Variants in CDCA7 observed in about 807,000 individuals in gnomAD.
CDCA7 encodes cell division cycle-associated protein 7.
A neutral mutation model predicts 54.0 loss-of-function variants in CDCA7; 28 were observed. That is an observed-to-expected ratio of 0.52 (90% CI 0.38 to 0.71). The LOEUF (loss-of-function observed/expected upper bound fraction) is 0.71. Ranked by LOEUF, CDCA7 falls within the 30% of genes least tolerant of loss-of-function variation. The pLI is 0.00. For missense variants in CDCA7, 484 were observed against 586.0 expected (o/e 0.83, Z 1.80); for synonymous variants, 180 against 208.2 (o/e 0.86, Z 1.16).
chr2:173,363,276 C>T lies in CDCA7; in HGVS notation c.435C>T (p.His145=). The T allele has an allele frequency of 6.2e-7, 1 of 1,614,148 alleles. No homozygotes were observed. Among genetic ancestry groups the T allele is most frequent in the Non-Finnish European group, 8.5e-7 (1 of 1,180,034 alleles). Residue 145 remains histidine, a synonymous_variant, in exon 4 of 10, where the codon CAC becomes CAT. Coordinates refer to ENST00000306721, the MANE Select transcript of CDCA7 (RefSeq NM_031942.5). The part of the protein sequence containing the change: ...EGCRTRSQCR[H]SGPLRVAMKF... ...GTAGGACCCGCAGCCAGTGCAGGCACTCTGGACCTCTCAGGGTGGCGATGA... is the reference window on the plus strand; with the variant it reads ...GTAGGACCCGCAGCCAGTGCAGGCATTCTGGACCTCTCAGGGTGGCGATGA...
chr2:173,355,040 C>T, intron 1 of CDCA7, 56 bp downstream of exon 1: 1 of 1,296,230 alleles, frequency 7.7e-7, no homozygotes, highest in South Asian at 2.4e-5. Flanking sequence ...TGGACGCAGG[C>T]GGGCGCGGGC....
chr2:173,359,184 A>C, intron 2 of CDCA7, 71 bp from the exon 3 acceptor site: 1 of 1,271,726 alleles, frequency 7.9e-7, no homozygotes, highest in Non-Finnish European at 1.1e-6. Flanking sequence ...TGCTCTCTGC[A>C]CGGTTTATGG....
Position 173,364,894 on chromosome 2 carries a change from C to G in CDCA7, c.799C>G (p.Leu267Val). 6.2e-7 allele frequency: 1 copy of G among 1,609,736 alleles called. No individual in the cohort carries two copies. The change falls in exon 6 of 10, where the codon CTC becomes GTC. Residue 267 changes from leucine to valine, a missense_variant. Physicochemically the swap from Leu to Val is conservative, Grantham distance 32. This residue lies in a region of CDCA7 where 398 missense variants were observed against 447.4 expected (regional missense o/e 0.89). Transcript: ENST00000306721. The stretch of plus-strand genomic sequence containing the variant: ...TCTTACCAGGTCAAGGTCCCGGATC[C>G]TCGGGTCCCTTGACGCTCTACCCAT... ...RPLTRSRSRI[L>V]GSLDALPMEE... is the part of the protein sequence containing the mutation.
At chr2:173,363,746 C>T in intron 4 of CDCA7, 72 bp from the exon 5 acceptor site, 1 of 1,426,194 alleles carries the variant, frequency 7.0e-7, no homozygotes, top group East Asian at 2.3e-5. Context: ...TGAGTATTTT[C>T]CAGAAGTTAG....
chr2:173,363,520 A>G, intron 4 of CDCA7, 58 bp downstream of exon 4: 1 of 1,487,890 alleles, frequency 6.7e-7, no homozygotes, highest in Middle Eastern at 1.9e-4. Flanking sequence ...CTCATTACTT[A>G]AATCTGTTCC....
rs1212798331 is a variant in CDCA7 at position 173,366,919 on chromosome 2, T to TA, written c.1186-230dup. On this transcript the variant is annotated intron_variant, in intron 8 of 9. Coordinates refer to ENST00000306721, the MANE Select transcript of CDCA7 (RefSeq NM_031942.5). The surrounding 1 kb of genome is among the most constrained non-coding windows in gnomAD (Gnocchi z 4.5). ...GCATAGGCATGAGCCGCTTCTACGA[T>TA]ACTCGGGTCTGAACTGTCCCTGGGA... 6.6e-6 allele frequency among the ~76,000 whole-genome samples: 1 copy of TA among 152,218 alleles called. No homozygotes were observed. Among genetic ancestry groups the TA allele is most frequent in the Non-Finnish European group, 1.5e-5 (1 of 68,040 alleles).
chr2:173,366,187 C>T lies in CDCA7; in HGVS notation c.1036-96C>T, dbSNP rs1490068613. ...TAGAGATTCATAGACAAAATGTAAG[C>T]CTATACTACGAAGAGGGACATTCTG... On this transcript the variant is annotated intron_variant, in intron 7 of 9. Transcript: ENST00000306721. The surrounding 1 kb of genome is among the most constrained non-coding windows in gnomAD (Gnocchi z 4.5). 7.3e-7 allele frequency: 1 copy of T among 1,378,008 alleles called. No homozygotes were observed. The highest frequency in any genetic ancestry group is 1.4e-5 in the African/African-American group (1 of 69,048). 85.4% of individuals were successfully genotyped at this position (1,378,008 alleles called of 1,614,324 possible).
intron 1 of CDCA7, among the ~76,000 whole-genome samples, chr2:173,356,565 C>A (rs1196290643): frequency 6.6e-6 from 1 of 152,196 alleles, no homozygotes; most frequent in Non-Finnish European, 1.5e-5. Context: ...GGCTGGAGTG[C>A]AGTGGCACAG....
intron 5 of CDCA7, chr2:173,364,311 A>C (rs1309968511): frequency 6.0e-6 from 1 of 166,114 alleles, no homozygotes; most frequent in African/African-American, 2.4e-5. Flanking sequence ...GGTATCATAC[A>C]CAATTGCATT....
chr2:173,358,797 A>G lies in CDCA7; in HGVS notation c.107A>G (p.Asp36Gly). 1 of 1,613,838 alleles carries G rather than the reference A, an allele frequency of 6.2e-7. No individual in the cohort carries two copies. Among genetic ancestry groups the G allele is most frequent in the Non-Finnish European group, 8.5e-7 (1 of 1,179,892 alleles). Residue 36 changes from aspartate (D) to glycine (G), a missense_variant, in exon 2 of 10, where the codon GAC (aspartate) becomes GGC (glycine). By Grantham distance (94) the Asp-to-Gly change is moderately conservative. Around this residue, in one of 3 missense-constraint regions of CDCA7, gnomAD observed 398 missense variants for 447.4 expected, o/e 0.89. Coordinates refer to ENST00000306721, the MANE Select transcript of CDCA7 (RefSeq NM_031942.5). ...ISMETSSSSD[D>G]SCDSFASDNF... Reference sequence around the variant, plus strand: ...ATGGAAACCTCGTCATCCTCTGATGACAGTTGTGACAGCTTTGCTTCTGAT... The same window carrying G: ...ATGGAAACCTCGTCATCCTCTGATGGCAGTTGTGACAGCTTTGCTTCTGAT...
chr2:173,365,650 C>A, intron 7 of CDCA7, 58 bp downstream of exon 7: 1 of 1,584,982 alleles, frequency 6.3e-7, no homozygotes, highest in Non-Finnish European at 8.6e-7. Context: ...AAGAGAGCTT[C>A]TGTCCCTAAG....
At position 173,364,862 on chromosome 2, in the gene CDCA7, C is replaced by T; in HGVS notation, c.767C>T (p.Ala256Val). Residue 256 changes from alanine (A) to valine (V), a missense_variant, in exon 6 of 10, where the codon GCT becomes GTT. By Grantham distance (64) the Ala-to-Val change is moderately conservative. Transcript: ENST00000306721. Reference protein sequence around the residue: ...VASRRNPERRARPLTRSRSRI... With the variant: ...VASRRNPERRVRPLTRSRSRI... ...TCCAGGAGAAACCCTGAACGGAGAG[C>T]TCGTCCTCTTACCAGGTCAAGGTCC... The T allele has an allele frequency of 6.2e-7, 1 of 1,611,330 alleles. No homozygotes were observed. Among genetic ancestry groups the T allele is most frequent in the Non-Finnish European group, 8.5e-7 (1 of 1,179,102 alleles).
intron 9 of CDCA7, 111 bp from the exon 10 acceptor site, chr2:173,367,523 A>G: frequency 7.2e-7 from 1 of 1,394,374 alleles, no homozygotes; most frequent in Non-Finnish European, 1.0e-6. Context: ...ACACTTGACC[A>G]TAGTGATGTT....
chr2:173,364,872 T>TA lies in CDCA7; in HGVS notation c.778dup (p.Thr260AsnfsTer12). ...ACCCTGAACGGAGAGCTCGTCCTCT[T>TA]ACCAGGTCAAGGTCCCGGATCCTCG... On this transcript the variant is annotated frameshift_variant, in exon 6 of 10. Transcript: ENST00000306721. LOFTEE classifies it high-confidence loss of function. The TA allele has an allele frequency of 6.2e-7, 1 of 1,611,548 alleles. No homozygotes were observed. Among genetic ancestry groups the TA allele is most frequent in the Non-Finnish European group, 8.5e-7 (1 of 1,179,136 alleles).
chr2:173,358,606 C>A, intron 1 of CDCA7, 106 bp from the exon 2 acceptor site: 2 of 1,197,636 alleles, frequency 1.7e-6, no homozygotes, highest in Non-Finnish European at 2.3e-6. Context: ...GATAAATGGA[C>A]ATATCTACTC....
Position 173,367,134 on chromosome 2 carries a change from G to T in CDCA7, c.1186-16G>T. ...AAGGTTTAACTTAATTGTGCCGTTT[G>T]ACAATCCTCCTTCAGAACTGGCATT... On this transcript the variant is annotated splice_polypyrimidine_tract_variant and intron_variant, in intron 8 of 9. Transcript: ENST00000306721. 1 of 1,567,176 alleles carries T rather than the reference G, an allele frequency of 6.4e-7. No individual in the cohort carries two copies.
At chr2:173,367,388 G>A (rs1466642014) in intron 9 of CDCA7, 102 bp downstream of exon 9, 3 of 1,538,216 alleles carry the variant, frequency 2.0e-6, no homozygotes, top group African/African-American at 2.7e-5. Flanking sequence ...CTCTGGCGGG[G>A]TGGAGACTGA....
At chr2:173,367,575 A>G in intron 9 of CDCA7, 59 bp from the exon 10 acceptor site, 1 of 1,597,196 alleles carries the variant, frequency 6.3e-7, no homozygotes, top group Admixed American at 1.7e-5. Context: ...TTAGGCTTTC[A>G]AAAGAGAATT....
chr2:173,362,797 C>G (rs184305540), intron 3 of CDCA7, among the ~76,000 whole-genome samples: 8 of 151,958 alleles, frequency 5.3e-5, no homozygotes, highest in South Asian at 2.1e-4. Flanking sequence ...AGGCTGGTCT[C>G]GAACTCCTAG....
Sources: allele counts gnomAD v4.1 joint callset (sites outside exome capture counted in the v4.1 genomes callset), GRCh38; gene constraint gnomAD v4.1.1; regional missense constraint gnomAD v4.1.1; non-coding constraint Gnocchi (gnomAD v3.1); transcripts MANE v1.5; gene names NCBI Gene and HGNC (gene_info 2026-07-23, HGNC 2026-07-21).